Variants in PIEZO2 observed in about 807,000 individuals in gnomAD.
PIEZO2 encodes piezo-type mechanosensitive ion channel component 2.
A neutral mutation model predicts 337.3 loss-of-function variants in PIEZO2; 172 were observed. That is an observed-to-expected ratio of 0.51 (90% CI 0.45 to 0.58). The LOEUF is 0.58. Ranked by LOEUF, PIEZO2 falls within the 20% of genes least tolerant of loss-of-function variation. PIEZO2 has a pLI of 0.00. For missense variants in PIEZO2, 3,028 were observed against 3,391.3 expected (o/e 0.89, Z 2.66); for synonymous variants, 1,251 against 1,228.5 (o/e 1.02, Z -0.38).
intron 2 of PIEZO2, among the ~76,000 whole-genome samples, chr18:11,024,350 C>T (rs1227008191): frequency 6.6e-6 from 1 of 151,866 alleles, no homozygotes; most frequent in Non-Finnish European, 1.5e-5. Context: ...TCGAGACCAT[C>T]CTGGGTAAGA....
chr18:10,924,967 A>T (rs982275252), intron 3 of PIEZO2, among the ~76,000 whole-genome samples: 1 of 152,234 alleles, frequency 6.6e-6, no homozygotes, highest in African/African-American at 2.4e-5. Flanking sequence ...AAACTTATGA[A>T]GCACATTTAG....
Position 11,099,603 on chromosome 18 carries a change from A to G in PIEZO2, c.65-33381T>C, listed in dbSNP as rs1452135277. ...GGCCTTAGCCTCCCGAGTAGCGGGG[A>G]TCACAGGTGCCTGCCACCATGCCTA... is the stretch of plus-strand genomic sequence containing the variant. On this transcript the variant is annotated intron_variant, in intron 1 of 55. Transcript: ENST00000674853. The surrounding 1 kb of genome is among the most constrained non-coding windows in gnomAD (Gnocchi z 5.4). 6.6e-6 allele frequency among the ~76,000 whole-genome samples: 1 copy of G among 152,104 alleles called. No homozygotes were observed. Among genetic ancestry groups the G allele is most frequent in the African/African-American group, 2.4e-5 (1 of 41,400 alleles).
rs970339529 is a variant in PIEZO2, at chr18:10,725,329, T to C, written c.5029+6078A>G. On this transcript the variant is annotated intron_variant, in intron 36 of 55. Coordinates refer to ENST00000674853, the MANE Select transcript of PIEZO2 (RefSeq NM_001378183.1). Reference sequence around the variant, plus strand: ...CAGAAGGAGGGCTGCGTCGAAGAGGTTGTGGTGCAGCTGAGTGAAGACCTG... The same window carrying C: ...CAGAAGGAGGGCTGCGTCGAAGAGGCTGTGGTGCAGCTGAGTGAAGACCTG... 38 of 1,601,876 alleles carry C rather than the reference T, an allele frequency of 2.4e-5. No homozygotes were observed. The East Asian group carries it at 6.0e-4, about 25-fold the overall frequency.
At chr18:10,752,387 A>C (rs2037682074) in intron 28 of PIEZO2, among the ~76,000 whole-genome samples, 6 of 152,252 alleles carry the variant, frequency 3.9e-5, no homozygotes, top group Admixed American at 3.9e-4. Context: ...AAGACATTTT[A>C]GAATTTATTC....
intron 52 of PIEZO2, among the ~76,000 whole-genome samples, chr18:10,678,806 G>A (rs2034129796): frequency 6.6e-6 from 1 of 151,238 alleles, no homozygotes; most frequent in Non-Finnish European, 1.5e-5. Flanking sequence ...AGGACTCTCA[G>A]GAAGTCTCTC....
Position 11,110,940 on chromosome 18 carries a change from C to T in PIEZO2, c.64+37585G>A, listed in dbSNP as rs1483901009. 1.3e-5 allele frequency among the ~76,000 whole-genome samples: 2 copies of T among 152,214 alleles called. No individual in the cohort carries two copies. The highest frequency in any genetic ancestry group is 2.9e-5 in the Non-Finnish European group (2 of 68,038). Reference sequence around the variant, plus strand: ...CCAGGATGCTGTGCCCCGCAAGCTCCCCTCCATGTGGTCTGCGTCAGAGTC... The same window carrying T: ...CCAGGATGCTGTGCCCCGCAAGCTCTCCTCCATGTGGTCTGCGTCAGAGTC... On this transcript the variant is annotated intron_variant, in intron 1 of 55. Transcript: ENST00000674853. The surrounding 1 kb of genome is among the most constrained non-coding windows in gnomAD (Gnocchi z 4.2).
rs754980142 is a variant in PIEZO2 at position 10,750,935 on chromosome 18, C to T, written c.4168-748G>A. Among the ~76,000 whole-genome samples the T allele has an allele frequency of 1.9e-4, 29 of 152,146 alleles. No homozygotes were observed. Among genetic ancestry groups the T allele is most frequent in the Non-Finnish European group, 3.8e-4 (26 of 68,020 alleles). ...ATATTCCAGTCCTACACCATCATGT[C>T]CTGCTTTTGTTCCTGTTTTCCAGGC... On this transcript the variant is annotated intron_variant, in intron 28 of 55. Coordinates refer to ENST00000674853, the MANE Select transcript of PIEZO2 (RefSeq NM_001378183.1). The surrounding 1 kb of genome is among the most constrained non-coding windows in gnomAD (Gnocchi z 4.1).
intron 4 of PIEZO2, among the ~76,000 whole-genome samples, chr18:10,893,008 C>T (rs1426085844): frequency 6.6e-6 from 1 of 152,150 alleles, no homozygotes; most frequent in African/African-American, 2.4e-5. Flanking sequence ...AGTGGTTTCT[C>T]CCTGGGGATT....
chr18:10,971,807 A>T (rs1327679806), intron 3 of PIEZO2, among the ~76,000 whole-genome samples: 1 of 152,096 alleles, frequency 6.6e-6, no homozygotes. Flanking sequence ...TTTCCCCAGC[A>T]CATGTATGAA....
chr18:11,084,107 G>T (rs565014988), intron 1 of PIEZO2, among the ~76,000 whole-genome samples: 2 of 150,632 alleles, frequency 1.3e-5, no homozygotes, highest in African/African-American at 2.4e-5. Flanking sequence ...AACCTGGGGG[G>T]TGGAGGCTGC....
rs148921638 is a variant in PIEZO2 at position 10,830,810 on chromosome 18, A to G, written c.918-23536T>C. On this transcript the variant is annotated intron_variant, in intron 7 of 55. Transcript: ENST00000674853. This position sits in a 1 kb window ranked among gnomAD's most constrained non-coding sequence, Gnocchi z 4.7. ...CAAGGAATTAATAATCAGGATATAT[A>G]AGGAGTTCAAACAATTCAATAGGAA... Among the ~76,000 whole-genome samples the G allele has an allele frequency of 2.0e-5, 3 of 152,342 alleles. No individual in the cohort carries two copies. Among genetic ancestry groups the G allele is most frequent in the African/African-American group, 7.2e-5 (3 of 41,578 alleles).
chr18:10,793,636 ATG>A (rs761920860), intron 13 of PIEZO2, among the ~76,000 whole-genome samples: 2 of 152,164 alleles, frequency 1.3e-5, no homozygotes, highest in Non-Finnish European at 2.9e-5. Flanking sequence ...GTGTGTGAAT[ATG>A]TGTGTGTGGG....
rs374929838 is a variant in PIEZO2 at position 11,108,272 on chromosome 18, AC to A, written c.64+40252del. 3.0e-4 allele frequency among the ~76,000 whole-genome samples: 45 copies of A among 152,318 alleles called. No individual in the cohort carries two copies. The East Asian group carries it at 6.0e-3, about 20-fold the overall frequency. ...TGCAGAATCTTAGACGGGAAAGATC[AC>A]AGTATAATCAGCTGACTAGGAAAAG... On this transcript the variant is annotated intron_variant, in intron 1 of 55. Transcript: ENST00000674853.
Position 10,724,648 on chromosome 18 carries a change from G to T in PIEZO2, c.5030-6389C>A. 1 of 770,536 alleles carries T rather than the reference G, an allele frequency of 1.3e-6. No homozygotes were observed. Among genetic ancestry groups the T allele is most frequent in the Non-Finnish European group, 2.2e-6 (1 of 460,760 alleles). 47.7% of individuals were successfully genotyped at this position (770,536 alleles called of 1,614,324 possible). On this transcript the variant is annotated intron_variant, in intron 36 of 55. Transcript: ENST00000674853. This position sits in a 1 kb window ranked among gnomAD's most constrained non-coding sequence, Gnocchi z 5.8. ...GCTGGACTCGGGGTCTCAGGCGTAT[G>T]ATCAGGCACCCACCAGCCCACCTAC...
chr18:11,013,230 G>A (rs1326917784), intron 2 of PIEZO2, among the ~76,000 whole-genome samples: 1 of 152,140 alleles, frequency 6.6e-6, no homozygotes, highest in African/African-American at 2.4e-5. Context: ...GAAATCTCAA[G>A]GGTATTTACA....
At position 10,783,950 on chromosome 18, in the gene PIEZO2, G is replaced by C. The variant is rs1182414544; in HGVS notation, c.2492+834C>G. On this transcript the variant is annotated intron_variant, in intron 17 of 55. Coordinates refer to ENST00000674853, the MANE Select transcript of PIEZO2 (RefSeq NM_001378183.1). This position sits in a 1 kb window ranked among gnomAD's most constrained non-coding sequence, Gnocchi z 4.3. The stretch of plus-strand genomic sequence containing the variant: ...TGATACCTGCATTTTTTCCCTTAAA[G>C]TCAAATAATTAAGGAGAATTTTCAT... Among the ~76,000 whole-genome samples, 1 of 152,116 alleles carries C rather than the reference G, an allele frequency of 6.6e-6. No individual in the cohort carries two copies. Among genetic ancestry groups the C allele is most frequent in the Non-Finnish European group, 1.5e-5 (1 of 68,010 alleles).
Position 10,942,988 on chromosome 18 carries a change from A to G in PIEZO2, c.287-31760T>C, listed in dbSNP as rs1345096628. Among the ~76,000 whole-genome samples the G allele has an allele frequency of 1.3e-5, 2 of 152,170 alleles. No homozygotes were observed. Among genetic ancestry groups the G allele is most frequent in the African/African-American group, 4.8e-5 (2 of 41,428 alleles). On this transcript the variant is annotated intron_variant, in intron 3 of 55. Transcript: ENST00000674853. This position sits in a 1 kb window ranked among gnomAD's most constrained non-coding sequence, Gnocchi z 4.4. ...AGCTCCAAGCCTTGGCAACTTCCACATGGTGTTGAGTAGTCTGCGAGTGCA... is the reference window on the plus strand; with the variant it reads ...AGCTCCAAGCCTTGGCAACTTCCACGTGGTGTTGAGTAGTCTGCGAGTGCA...
chr18:10,731,263 C>T, intron 36 of PIEZO2, 144 bp downstream of exon 36: 1 of 355,516 alleles, frequency 2.8e-6, no homozygotes, highest in East Asian at 4.0e-5. Flanking sequence ...CAGAAATGAC[C>T]AATTAGGACA....
rs1231129823 is a variant in PIEZO2, at chr18:10,861,816, G to A, written c.493-4605C>T. On this transcript the variant is annotated intron_variant, in intron 5 of 55. Transcript: ENST00000674853. This position sits in a 1 kb window ranked among gnomAD's most constrained non-coding sequence, Gnocchi z 4.3. ...GTGGATCACCTGAGGTCAGGAGATC[G>A]AGACCTGCCTGGACAACATGGTGAA... Among the ~76,000 whole-genome samples, 1 of 152,212 alleles carries A rather than the reference G, an allele frequency of 6.6e-6. No homozygotes were observed. The highest frequency in any genetic ancestry group is 2.4e-5 in the African/African-American group (1 of 41,464).
Sources: gnomAD v4.1 joint callset for allele counts (sites outside exome capture counted in the v4.1 genomes callset) on GRCh38, gnomAD v4.1.1 for gene constraint, Gnocchi (gnomAD v3.1) non-coding constraint, MANE v1.5 for transcripts, NCBI Gene and HGNC (gene_info 2026-07-23, HGNC 2026-07-21) for gene names.